The following AK5 variants were observed in gnomAD, a reference collection of about 807,000 sequenced individuals.
AK5 encodes adenylate kinase 5.
A neutral mutation model predicts 69.5 loss-of-function variants in AK5; 27 were observed. The ratio of observed to expected loss-of-function variants is 0.39; its 90% CI spans 0.29 to 0.54. The LOEUF (loss-of-function observed/expected upper bound fraction) is 0.54. AK5 is among the 20% of genes least tolerant of loss of function. The pLI is 0.71. For synonymous variants in AK5, 260 were observed against 244.4 expected, an observed-to-expected ratio of 1.06 and a Z score of -0.60; for missense variants, 531 against 700.4, an observed-to-expected ratio of 0.76 and a Z score of 2.73.
Position 77,521,766 on chromosome 1 carries a change from T to TG in AK5, c.1312-57dup, listed in dbSNP as rs1255119997. On this transcript the variant is annotated intron_variant, in intron 11 of 13. Transcript: ENST00000354567. ...CCTCAGTGGATGACTGAAGGAGACT[T>TG]GGGGTACTTCTAGTGTTCTGTGAAA... The TG allele has an allele frequency of 4.8e-6, 6 of 1,259,834 alleles. No individual in the cohort carries two copies. In the East Asian group the frequency reaches 1.2e-4, roughly 25 times the overall value. 78.0% of individuals were successfully genotyped at this position (1,259,834 alleles called of 1,614,324 possible). A position where few individuals can be genotyped will look rare whatever the true frequency, so the allele number is the denominator to read the frequency against.
chr1:77,358,073 G>A (rs1479871385), intron 6 of AK5, among the ~76,000 whole-genome samples: 1 of 151,394 alleles, frequency 6.6e-6, no homozygotes, highest in Non-Finnish European at 1.5e-5. Context: ...ATCTATGGGT[G>A]GGTGCTGCTG....
rs182371908 is a variant in AK5 at position 77,442,854 on chromosome 1, G to C, written c.1059+25139G>C. On this transcript the variant is annotated intron_variant, in intron 8 of 13. Coordinates refer to ENST00000354567, the MANE Select transcript of AK5 (RefSeq NM_174858.3). ...AGGTTGGATGGGCAATTGCTTGGCA[G>C]ATGTCCTCCCAGAAGCATTTTTTGT... is the stretch of plus-strand genomic sequence containing the variant. Among the ~76,000 whole-genome samples the C allele has an allele frequency of 1.5e-3, 233 of 152,296 alleles. 1 individual carries two copies. The highest frequency in any genetic ancestry group is 2.7e-3 in the Non-Finnish European group (182 of 68,010).
chr1:77,409,184 T>A (rs1234279018), intron 6 of AK5, among the ~76,000 whole-genome samples: 1 of 152,220 alleles, frequency 6.6e-6, no homozygotes, highest in Non-Finnish European at 1.5e-5. Context: ...TTAGGTTGAT[T>A]CCATGTATTT....
intron 1 of AK5, among the ~76,000 whole-genome samples, chr1:77,284,279 A>G (rs1275207307): frequency 1.3e-5 from 2 of 152,216 alleles, no homozygotes; most frequent in Non-Finnish European, 2.9e-5. Context: ...TGATTAGTGT[A>G]GACTGTAAAA....
At chr1:77,350,687 A>G (rs769472094) in intron 6 of AK5, among the ~76,000 whole-genome samples, 240 of 152,276 alleles carry the variant, frequency 1.6e-3, no homozygotes, top group Admixed American at 3.5e-3. Flanking sequence ...TCTCTAAGGG[A>G]AAATAGCACT....
chr1:77,499,343 G>T (rs533864583), intron 10 of AK5, among the ~76,000 whole-genome samples: 3 of 152,236 alleles, frequency 2.0e-5, no homozygotes, highest in African/African-American at 4.8e-5. Flanking sequence ...ATGTTACTGC[G>T]ACTCAGGTGA....
At chr1:77,416,772 TG>T (rs2100580906) in intron 7 of AK5, among the ~76,000 whole-genome samples, 1 of 152,322 alleles carries the variant, frequency 6.6e-6, no homozygotes, top group Admixed American at 6.5e-5. Flanking sequence ...CATTACTCAT[TG>T]GATATTCTGA....
intron 5 of AK5, among the ~76,000 whole-genome samples, chr1:77,298,542 G>A (rs1051587293): frequency 6.6e-6 from 1 of 151,570 alleles, no homozygotes; most frequent in Admixed American, 6.6e-5. Flanking sequence ...AGTGGCTCAC[G>A]CCTGTAATCC....
At chr1:77,494,414 G>A (rs1656174388) in intron 10 of AK5, among the ~76,000 whole-genome samples, 1 of 152,186 alleles carries the variant, frequency 6.6e-6, no homozygotes, top group African/African-American at 2.4e-5. Context: ...AGTAGCAGAT[G>A]CTGCAGGATC....
chr1:77,417,999 C>T (rs1028634798), intron 8 of AK5: 33 of 317,828 alleles, frequency 1.0e-4, no homozygotes, highest in African/African-American at 3.5e-4. Flanking sequence ...AAGAATTTGC[C>T]TGTGTCTCTA....
chr1:77,501,437 C>T (rs1366399151), intron 10 of AK5, among the ~76,000 whole-genome samples: 1 of 152,248 alleles, frequency 6.6e-6, no homozygotes, highest in Admixed American at 6.5e-5. Flanking sequence ...TGTACTCACA[C>T]AAACCTAGAC....
rs76222124 is a variant in AK5, at chr1:77,461,033, ATT to A, written c.1060-22267_1060-22266del. Among the ~76,000 whole-genome samples the A allele has an allele frequency of 2.2e-3, 300 of 135,182 alleles. 1 individual carries two copies. Among genetic ancestry groups the A allele is most frequent in the African/African-American group, 7.5e-3 (270 of 36,158 alleles). The allele number at this position is 135,182 out of a possible 152,430, so 88.7% of individuals were successfully genotyped here. A position where few individuals can be genotyped will look rare whatever the true frequency, so the allele number is the denominator to read the frequency against. The stretch of plus-strand genomic sequence containing the variant: ...CCACCACACCCAGCCTGTATGTGAA[ATT>A]TTTTTTTTTTTTTTTTGAGACGGAG... On this transcript the variant is annotated intron_variant, in intron 8 of 13. Transcript: ENST00000354567.
intron 6 of AK5, among the ~76,000 whole-genome samples, chr1:77,353,454 G>A (rs1320826211): frequency 6.6e-6 from 1 of 152,082 alleles, no homozygotes; most frequent in African/African-American, 2.4e-5. Context: ...CTCCAGCCAG[G>A]GCGGTAGAGC....
intron 8 of AK5, among the ~76,000 whole-genome samples, chr1:77,439,309 A>G (rs966824189): frequency 1.3e-5 from 2 of 152,202 alleles, no homozygotes; most frequent in African/African-American, 4.8e-5. Flanking sequence ...CATATTGTAC[A>G]TATGGGGAAC....
intron 8 of AK5, among the ~76,000 whole-genome samples, chr1:77,450,895 A>T (rs1266222205): frequency 1.3e-5 from 2 of 152,190 alleles, no homozygotes; most frequent in Non-Finnish European, 2.9e-5. Context: ...AGCAAAACTA[A>T]GCTGGTGCAG....
intron 8 of AK5, among the ~76,000 whole-genome samples, chr1:77,465,772 T>A (rs953668048): frequency 6.6e-6 from 1 of 152,160 alleles, no homozygotes; most frequent in Non-Finnish European, 1.5e-5. Flanking sequence ...CTTCTGAAAC[T>A]ATGAACAATA....
chr1:77,411,597 GT>G (rs1282387380), intron 7 of AK5, among the ~76,000 whole-genome samples: 1 of 152,056 alleles, frequency 6.6e-6, no homozygotes, highest in Non-Finnish European at 1.5e-5. Context: ...AGTACTCATG[GT>G]TCTGTCCTGA....
At chr1:77,513,814 A>C (rs1318220884) in intron 10 of AK5, among the ~76,000 whole-genome samples, 1 of 152,236 alleles carries the variant, frequency 6.6e-6, no homozygotes, top group Non-Finnish European at 1.5e-5. Context: ...CAGGATGCTG[A>C]ATCCAGGAGC....
intron 6 of AK5, among the ~76,000 whole-genome samples, chr1:77,366,003 G>T (rs1159385605): frequency 6.6e-6 from 1 of 152,042 alleles, no homozygotes; most frequent in Non-Finnish European, 1.5e-5. Flanking sequence ...CACCACTAAA[G>T]AACTTATCCA....
Sources: allele counts gnomAD v4.1 joint callset (sites outside exome capture counted in the v4.1 genomes callset), GRCh38; gene constraint gnomAD v4.1.1; transcripts MANE v1.5; gene names NCBI Gene and HGNC (gene_info 2026-07-23, HGNC 2026-07-21).